RAPGEF2: variants seen among roughly 807,000 people sequenced by gnomAD.
RAPGEF2 encodes PDZ domain containing guanine nucleotide exchange factor (GEF) 1.
A neutral mutation model predicts 186.7 loss-of-function variants in RAPGEF2; 54 were observed. The ratio of observed to expected loss-of-function variants is 0.29; its 90% CI spans 0.23 to 0.36. RAPGEF2 has a LOEUF of 0.36. Among genes scored for constraint, RAPGEF2 ranks in the 10% least tolerant of loss-of-function variants. The pLI, the probability that RAPGEF2 is intolerant of heterozygous loss-of-function variation, is 1.00. For missense variants in RAPGEF2, 1,532 were observed against 2,045.0 expected (o/e 0.75, Z 4.84); for synonymous variants, 712 against 705.9 (o/e 1.01, Z -0.14).
rs201591540 is a variant in RAPGEF2, at chr4:159,130,185, T to G, written c.69+25954T>G. On this transcript the variant is annotated intron_variant, in intron 1 of 29. Transcript: ENST00000691494. ...CCAGAGGTCACTTTTGTTGTCATCT[T>G]GGTTTTGGTGGGTTTTGTCTGCTTC... Among the ~76,000 whole-genome samples the G allele has an allele frequency of 4.6e-5, 7 of 152,208 alleles. No homozygotes were observed. In the East Asian group the frequency reaches 1.3e-3, roughly 29 times the overall value.
intron 7 of RAPGEF2, among the ~76,000 whole-genome samples, chr4:159,261,238 A>T (rs1005915916): frequency 6.6e-5 from 10 of 151,256 alleles, no homozygotes; most frequent in Non-Finnish European, 1.3e-4. Flanking sequence ...TTTTTTTTGT[A>T]TTTTTAGTAG....
At chr4:159,104,283 G>C in intron 1 of RAPGEF2, 52 bp downstream of exon 1, 1 of 1,194,348 alleles carries the variant, frequency 8.4e-7, no homozygotes, top group Non-Finnish European at 1.1e-6. Context: ...CTCGCAGGCT[G>C]CGTCTTCCCC....
Position 159,339,060 on chromosome 4 carries a change from T to C in RAPGEF2, c.2294-54T>C, listed in dbSNP as rs1050447643. On this transcript the variant is annotated intron_variant, in intron 18 of 29. Transcript: ENST00000691494. ...TTTCTGATTACTTTGCTTAATTGCA[T>C]TGCCATATATTAAAATTCTTTCTAC... The C allele has an allele frequency of 2.6e-6, 4 of 1,565,714 alleles. No homozygotes were observed. The East Asian group carries it at 6.8e-5, about 26-fold the overall frequency.
At chr4:159,321,127 C>CTGTGCATA (rs1482918756) in intron 9 of RAPGEF2, among the ~76,000 whole-genome samples, 1 of 151,946 alleles carries the variant, frequency 6.6e-6, no homozygotes, top group East Asian at 1.9e-4. Flanking sequence ...TGTACATACA[C>CTGTGCATA]CCTGTGCTCT....
intron 8 of RAPGEF2, among the ~76,000 whole-genome samples, chr4:159,309,248 C>A (rs760911674): frequency 5.7e-4 from 87 of 152,246 alleles, no homozygotes; most frequent in Admixed American, 9.2e-4. Flanking sequence ...CCTTTATAAT[C>A]CTCTGTAAAG....
intron 25 of RAPGEF2, among the ~76,000 whole-genome samples, chr4:159,348,259 G>T (rs556075074): frequency 2.1e-4 from 31 of 151,118 alleles, no homozygotes; most frequent in African/African-American, 6.1e-4. Flanking sequence ...TGGATGGATG[G>T]ATGGATGGAT....
intron 7 of RAPGEF2, chr4:159,282,613 C>G (rs1759876453): frequency 2.2e-6 from 1 of 445,338 alleles, no homozygotes; most frequent in Non-Finnish European, 4.5e-6. Flanking sequence ...TTTTTCTTGC[C>G]TTTTCTAACG....
At chr4:159,256,288 G>A (rs184931308) in intron 7 of RAPGEF2, among the ~76,000 whole-genome samples, 8 of 152,298 alleles carry the variant, frequency 5.3e-5, no homozygotes, top group Middle Eastern at 3.4e-3. Context: ...TTAAAAGTGA[G>A]AACATGCAGT....
At position 159,333,246 on chromosome 4, in the gene RAPGEF2, G is replaced by A. The variant is rs1017724120; in HGVS notation, c.2135+549G>A. ...ACCCGCCTCGGCCTCCCAAAGTGCT[G>A]GGATTGCAGGTGTGAGCCACTGCAC... On this transcript the variant is annotated intron_variant, in intron 17 of 29. Coordinates refer to ENST00000691494, the MANE Select transcript of RAPGEF2 (RefSeq NM_001394067.2). Among the ~76,000 whole-genome samples the A allele has an allele frequency of 8.5e-5, 13 of 152,134 alleles. No homozygotes were observed. In the South Asian group the frequency reaches 1.2e-3, roughly 15 times the overall value.
At chr4:159,332,416 C>T (rs1184978087) in intron 16 of RAPGEF2, 35 bp from the exon 17 acceptor site, 1 of 1,582,416 alleles carries the variant, frequency 6.3e-7, no homozygotes, top group East Asian at 2.2e-5. Flanking sequence ...CTTATAATTG[C>T]CATTACGTGG....
chr4:159,277,335 T>C (rs1288619988), intron 7 of RAPGEF2, among the ~76,000 whole-genome samples: 1 of 152,218 alleles, frequency 6.6e-6, no homozygotes, highest in Admixed American at 6.5e-5. Context: ...GATGGACATT[T>C]GGGTTGGTTC....
intron 19 of RAPGEF2, 41 bp from the exon 20 acceptor site, chr4:159,341,523 C>T: frequency 1.3e-6 from 2 of 1,524,286 alleles, no homozygotes; most frequent in African/African-American, 1.4e-5. Context: ...CATGAGATTG[C>T]TGCTTAGGCT....
chr4:159,223,053 T>TGAAG (rs1751687338), intron 4 of RAPGEF2, among the ~76,000 whole-genome samples: 1 of 152,084 alleles, frequency 6.6e-6, no homozygotes, highest in South Asian at 2.1e-4. Flanking sequence ...GAAATAATAG[T>TGAAG]GAAGGAATAG....
At chr4:159,336,565 A>G (rs2111234010) in intron 17 of RAPGEF2, among the ~76,000 whole-genome samples, 1 of 152,276 alleles carries the variant, frequency 6.6e-6, no homozygotes, top group South Asian at 2.1e-4. Flanking sequence ...TTATCCACTC[A>G]TTAGTCGATG....
At chr4:159,308,059 C>T (rs1763521804) in intron 8 of RAPGEF2, among the ~76,000 whole-genome samples, 1 of 152,160 alleles carries the variant, frequency 6.6e-6, no homozygotes, top group Non-Finnish European at 1.5e-5. Flanking sequence ...CTTGAATAGG[C>T]TAGATAAGTA....
chr4:159,221,657 C>G (rs1441804226), intron 4 of RAPGEF2, among the ~76,000 whole-genome samples: 1 of 152,214 alleles, frequency 6.6e-6, no homozygotes, highest in Non-Finnish European at 1.5e-5. Context: ...TTTTCCCCCT[C>G]ACTCTCAGAG....
chr4:159,200,430 C>T (rs532903588), intron 3 of RAPGEF2, among the ~76,000 whole-genome samples: 1 of 151,904 alleles, frequency 6.6e-6, no homozygotes, highest in Non-Finnish European at 1.5e-5. Flanking sequence ...AGTGCACCAC[C>T]GCACTCTGGC....
At chr4:159,311,341 G>A (rs966269647) in intron 8 of RAPGEF2, among the ~76,000 whole-genome samples, 4 of 152,180 alleles carry the variant, frequency 2.6e-5, no homozygotes, top group African/African-American at 9.6e-5. Context: ...TATATAAGGA[G>A]AGTGTGGTGT....
intron 8 of RAPGEF2, among the ~76,000 whole-genome samples, chr4:159,312,615 T>G (rs1764081622): frequency 6.6e-6 from 1 of 152,220 alleles, no homozygotes; most frequent in Non-Finnish European, 1.5e-5. Context: ...TATCTCTGCT[T>G]ATAATGACCA....
Sources: allele counts gnomAD v4.1 joint callset (sites outside exome capture counted in the v4.1 genomes callset), GRCh38; gene constraint gnomAD v4.1.1; transcripts MANE v1.5; gene names NCBI Gene and HGNC (gene_info 2026-07-23, HGNC 2026-07-21).